The following TBL1Y variants were observed in gnomAD, a reference collection of about 807,000 sequenced individuals.
TBL1Y encodes F-box-like/WD repeat-containing protein TBL1Y.
TBL1Y carries 15 observed loss-of-function variants against 12.0 expected under a neutral mutation model. The observed-to-expected ratio is 1.25, with a 90% confidence interval of 0.83 to 1.92. The LOEUF (loss-of-function observed/expected upper bound fraction) is 1.92. Ranked by LOEUF, TBL1Y falls within the 40% of genes most tolerant of loss-of-function variation. The pLI is 0.00. For missense variants in TBL1Y, 148 were observed against 116.7 expected (o/e 1.27, Z -1.24); for synonymous variants, 53 against 42.6 (o/e 1.24, Z -0.95).
intron 7 of TBL1Y, among the ~76,000 whole-genome samples, chrY:7,061,341 G>C: frequency 3.1e-5 from 1 of 31,907 alleles, no homozygotes; most frequent in African/African-American, 1.2e-4. Context: ...CAACAAGGTC[G>C]TGTTGGAATG....
At chrY:7,022,677 T>C (rs2012589335) in intron 5 of TBL1Y, among the ~76,000 whole-genome samples, 2 of 33,030 alleles carry the variant, frequency 6.1e-5, no homozygotes, top group East Asian at 1.6e-3. Flanking sequence ...GTTTTATCCA[T>C]GCATCAGTTG....
chrY:7,002,435 G>T (rs966780518), intron 4 of TBL1Y, among the ~76,000 whole-genome samples: 2 of 33,503 alleles, frequency 6.0e-5, no homozygotes, highest in Non-Finnish European at 1.5e-4. Flanking sequence ...GCCAGCACAT[G>T]CAAAGACCAG....
At chrY:7,088,315 A>G in intron 17 of TBL1Y, among the ~76,000 whole-genome samples, 2 of 32,531 alleles carry the variant, frequency 6.1e-5, no homozygotes, top group African/African-American at 1.2e-4. Context: ...ATTCATCTGC[A>G]TTTTCATTTT....
intron 3 of TBL1Y, among the ~76,000 whole-genome samples, chrY:6,985,014 A>T: frequency 2.9e-5 from 1 of 34,080 alleles, no homozygotes; most frequent in Non-Finnish European, 7.3e-5. Flanking sequence ...TCTTAAAAAA[A>T]TTATAAAAGA....
At position 7,062,752 on chromosome Y, in the gene TBL1Y, C is replaced by G. The variant is rs776492862; in HGVS notation, c.205-1145C>G. 6.6e-4 allele frequency among the ~76,000 whole-genome samples: 22 copies of G among 33,422 alleles called. No individual in the cohort carries two copies. The South Asian group carries it at 0.015, about 23-fold the overall frequency. The allele number at this position is 33,422 out of a possible 37,273, so 89.7% of individuals were successfully genotyped here. A position where few individuals can be genotyped will look rare whatever the true frequency, so the allele number is the denominator to read the frequency against. ...TGTGTTTTGGGCTGAGGCTCAATTT[C>G]CCCACTGGAAATTTCTTGCCTTTTC... On this transcript the variant is annotated intron_variant, in intron 7 of 18. Coordinates refer to ENST00000383032, the MANE Select transcript of TBL1Y (RefSeq NM_033284.2).
chrY:7,082,476 C>T (rs2013105258), intron 14 of TBL1Y, among the ~76,000 whole-genome samples: 1 of 33,480 alleles, frequency 3.0e-5, no homozygotes, highest in South Asian at 6.8e-4. Flanking sequence ...GGGCTAGTGT[C>T]CAAAACACCC....
chrY:6,940,084 C>T (rs2011938526), intron 2 of TBL1Y, among the ~76,000 whole-genome samples: 1 of 9,812 alleles, frequency 1.0e-4, no homozygotes, highest in African/African-American at 4.1e-4. Context: ...CCCATCTCTA[C>T]TAAAAATACA....
intron 2 of TBL1Y, among the ~76,000 whole-genome samples, chrY:6,935,426 C>T (rs894800176): frequency 9.0e-5 from 3 of 33,174 alleles, no homozygotes; most frequent in Non-Finnish European, 2.2e-4. Context: ...TGTTGTTGCA[C>T]GTGTCACTAA....
At chrY:6,943,002 G>C (rs2011962942) in intron 2 of TBL1Y, among the ~76,000 whole-genome samples, 1 of 32,801 alleles carries the variant, frequency 3.0e-5, no homozygotes, top group African/African-American at 1.2e-4. Flanking sequence ...GAGGGAAAGA[G>C]ATTCAAGAGA....
At chrY:6,988,666 A>G in intron 3 of TBL1Y, among the ~76,000 whole-genome samples, 1 of 23,823 alleles carries the variant, frequency 4.2e-5, no homozygotes, top group Non-Finnish European at 8.7e-5. Context: ...CCTCAAAAAC[A>G]TAAATAAATA....
chrY:6,911,284 GA>G (rs2011690416), intron 1 of TBL1Y, among the ~76,000 whole-genome samples: 1 of 34,675 alleles, frequency 2.9e-5, no homozygotes, highest in Admixed American at 2.5e-4. Context: ...CTAAGTTTAG[GA>G]AAGTACTCGG....
intron 2 of TBL1Y, among the ~76,000 whole-genome samples, chrY:6,950,890 C>T (rs2012018652): frequency 9.1e-5 from 3 of 33,025 alleles, no homozygotes; most frequent in Non-Finnish European, 1.5e-4. Context: ...TTTAGCATCA[C>T]GGGCTGTTGA....
At chrY:6,962,181 A>C in intron 2 of TBL1Y, among the ~76,000 whole-genome samples, 1 of 33,523 alleles carries the variant, frequency 3.0e-5, no homozygotes, top group Non-Finnish European at 7.4e-5. Context: ...AGCACAATGT[A>C]GTACAATATT....
rs1365914859 is a variant in TBL1Y, at chrY:7,074,540, C to A, written c.895-20C>A. On this transcript the variant is annotated intron_variant, in intron 12 of 18. Transcript: ENST00000383032. The stretch of plus-strand genomic sequence containing the variant: ...TTTGTGGGAGTAATTACTAACTTTT[C>A]CTTTGTTTGCGGAGCACAGACAACA... 1 of 396,048 alleles carries A rather than the reference C, an allele frequency of 2.5e-6. No individual in the cohort carries two copies. Among genetic ancestry groups the A allele is most frequent in the South Asian group, 3.0e-5 (1 of 32,972 alleles).
intron 2 of TBL1Y, among the ~76,000 whole-genome samples, chrY:6,948,307 T>C: frequency 3.2e-5 from 1 of 31,276 alleles, no homozygotes; most frequent in Non-Finnish European, 7.6e-5. Flanking sequence ...AAGAATAAAG[T>C]AGTAAGCAGC....
intron 2 of TBL1Y, among the ~76,000 whole-genome samples, chrY:6,963,415 G>GT (rs2012145809): frequency 3.0e-5 from 1 of 33,089 alleles, no homozygotes; most frequent in Non-Finnish European, 7.4e-5. Flanking sequence ...AAACCCTCCT[G>GT]TTTTTTCTGT....
Position 6,976,092 on chromosome Y carries a change from A to G in TBL1Y, c.-265-2121A>G, listed in dbSNP as rs777794072. ...GGATTACAGGTGTGTGCCACCATGCATGGCTAACTTTTATATTTTTAGTAG... is the reference window on the plus strand; with the variant it reads ...GGATTACAGGTGTGTGCCACCATGCGTGGCTAACTTTTATATTTTTAGTAG... On this transcript the variant is annotated intron_variant, in intron 2 of 18. Transcript: ENST00000383032. 2.5e-4 allele frequency among the ~76,000 whole-genome samples: 8 copies of G among 32,280 alleles called. No homozygotes were observed. In the South Asian group the frequency reaches 5.8e-3, roughly 23 times the overall value. The allele number at this position is 32,280 out of a possible 37,273, so 86.6% of individuals were successfully genotyped here.
intron 2 of TBL1Y, among the ~76,000 whole-genome samples, chrY:6,914,271 G>C (rs2011719094): frequency 3.1e-5 from 1 of 32,696 alleles, no homozygotes; most frequent in African/African-American, 1.2e-4. Flanking sequence ...CCAGTTGCTC[G>C]GGAGGCTGAG....
intron 2 of TBL1Y, among the ~76,000 whole-genome samples, chrY:6,948,598 C>T: frequency 1.1e-4 from 3 of 27,418 alleles, no homozygotes. Context: ...TCGCTTGAAC[C>T]CGGGAGGCGG....
Sources: gnomAD v4.1 joint callset for allele counts (sites outside exome capture counted in the v4.1 genomes callset) on GRCh38, gnomAD v4.1.1 for gene constraint, MANE v1.5 for transcripts, NCBI Gene and HGNC (gene_info 2026-07-23, HGNC 2026-07-21) for gene names.